LRRN1: variants seen among roughly 807,000 people sequenced by gnomAD.
LRRN1 encodes leucine rich repeat neuronal 1.
Under a neutral mutation model 45.8 loss-of-function variants are expected in LRRN1, and 14 were observed. The observed-to-expected ratio is 0.31, with a 90% CI of 0.20 to 0.48. LRRN1 has a LOEUF of 0.48. Among genes scored for constraint, LRRN1 ranks in the 20% least tolerant of loss-of-function variants. LRRN1 has a pLI of 0.99. For synonymous variants in LRRN1, 359 were observed against 330.1 expected (o/e 1.09, Z -0.95); for missense variants, 789 against 874.2 (o/e 0.90, Z 1.23).
At chr3:3,829,892 A>C (rs1403543345) in intron 1 of LRRN1, among the ~76,000 whole-genome samples, 3 of 152,202 alleles carry the variant, frequency 2.0e-5, no homozygotes, top group Non-Finnish European at 4.4e-5. Context: ...TCATGATGGA[A>C]GAGGTCCAAT....
Position 3,834,525 on chromosome 3 carries a change from G to GACATATATATATATGATAT in LRRN1, c.-278-9838_-278-9837insCATATATATATATGATATA, listed in dbSNP as rs750534210. ...GCGTTCTCTTAGAGGGACAGAACAG[G>GACATATATATATATGATAT]ATATATATATATATATATATATATA... On this transcript the variant is annotated intron_variant, in intron 1 of 1. Transcript: ENST00000319331. Among the ~76,000 whole-genome samples the GACATATATATATATGATAT allele has an allele frequency of 4.4e-4, 12 of 27,328 alleles. 3 individuals carry two copies. The highest frequency in any genetic ancestry group is 1.3e-3 in the Admixed American group (2 of 1,488). The allele number at this position is 27,328 out of a possible 152,430, so 17.9% of individuals were successfully genotyped here. A position where few individuals can be genotyped will look rare whatever the true frequency, so the allele number is the denominator to read the frequency against.
rs893791894 is a variant in LRRN1 at position 3,849,209 on chromosome 3, C to T, written c.*2417C>T. ...CTTACACAGAATGAGCACTTAAATACGGGTGCAATAAATGAAGGGAAAAAC... is the reference window on the plus strand; with the variant it reads ...CTTACACAGAATGAGCACTTAAATATGGGTGCAATAAATGAAGGGAAAAAC... On this transcript the variant is annotated 3_prime_UTR_variant, in exon 2 of 2. Coordinates refer to ENST00000319331, the MANE Select transcript of LRRN1 (RefSeq NM_020873.7). Among the ~76,000 whole-genome samples the T allele has an allele frequency of 8.5e-5, 13 of 152,106 alleles. No homozygotes were observed. Among genetic ancestry groups the T allele is most frequent in the Non-Finnish European group, 1.9e-4 (13 of 68,008 alleles).
rs1292087954 is a variant in LRRN1, at chr3:3,846,871, G to C, written c.*79G>C. On this transcript the variant is annotated 3_prime_UTR_variant, in exon 2 of 2. Coordinates refer to ENST00000319331, the MANE Select transcript of LRRN1 (RefSeq NM_020873.7). The surrounding 1 kb of genome is among the most constrained non-coding windows in gnomAD (Gnocchi z 5.7). Reference sequence around the variant, plus strand: ...ATTCTGCAAAAGTGAACAAGTTGAAGACTTTTGTATTTTTGACTTTGCTAG... The same window carrying C: ...ATTCTGCAAAAGTGAACAAGTTGAACACTTTTGTATTTTTGACTTTGCTAG... The C allele has an allele frequency of 8.2e-7, 1 of 1,225,556 alleles. No individual in the cohort carries two copies. The highest frequency in any genetic ancestry group is 1.5e-5 in the African/African-American group (1 of 65,146). The allele number at this position is 1,225,556 out of a possible 1,614,324, so 75.9% of individuals were successfully genotyped here.
intron 1 of LRRN1, among the ~76,000 whole-genome samples, chr3:3,824,793 C>T (rs1366171556): frequency 6.6e-6 from 1 of 152,156 alleles, no homozygotes; most frequent in Non-Finnish European, 1.5e-5. Context: ...CAAAGCAAAG[C>T]AATGTGGGAT....
intron 1 of LRRN1, among the ~76,000 whole-genome samples, chr3:3,807,101 A>ATC (rs1692777812): frequency 6.6e-6 from 1 of 152,222 alleles, no homozygotes; most frequent in Non-Finnish European, 1.5e-5. Context: ...CCTACGATGC[A>ATC]TCGGTTAAAA....
intron 1 of LRRN1, among the ~76,000 whole-genome samples, chr3:3,843,044 A>G (rs190333922): frequency 1.5e-3 from 228 of 152,366 alleles, no homozygotes; most frequent in African/African-American, 5.2e-3. Flanking sequence ...AATGGATTAG[A>G]GATACAAGAT....
At chr3:3,818,275 A>G (rs1693026543) in intron 1 of LRRN1, among the ~76,000 whole-genome samples, 1 of 151,932 alleles carries the variant, frequency 6.6e-6, no homozygotes, top group Non-Finnish European at 1.5e-5. Flanking sequence ...ATTATTTCAT[A>G]TAGACATATT....
At chr3:3,802,195 C>T (rs1646954615) in intron 1 of LRRN1, among the ~76,000 whole-genome samples, 1 of 152,206 alleles carries the variant, frequency 6.6e-6, no homozygotes, top group Non-Finnish European at 1.5e-5. Context: ...GAGCAAGGGC[C>T]TTTCTGCCGT....
At chr3:3,827,714 C>T (rs779233031) in intron 1 of LRRN1, among the ~76,000 whole-genome samples, 1 of 152,156 alleles carries the variant, frequency 6.6e-6, no homozygotes, top group African/African-American at 2.4e-5. Flanking sequence ...ACATAAAGCT[C>T]ATGCCCTCAG....
chr3:3,809,814 C>A (rs1354685257), intron 1 of LRRN1, among the ~76,000 whole-genome samples: 1 of 152,172 alleles, frequency 6.6e-6, no homozygotes, highest in Non-Finnish European at 1.5e-5. Flanking sequence ...AAGTCCTTAG[C>A]ACAGTTCCTC....
At chr3:3,805,018 C>T (rs1167174146) in intron 1 of LRRN1, among the ~76,000 whole-genome samples, 1 of 152,194 alleles carries the variant, frequency 6.6e-6, no homozygotes, top group Non-Finnish European at 1.5e-5. Flanking sequence ...TGCCTAACCT[C>T]TTCAGGAGAG....
In LRRN1 at chr3:3,844,765, C is replaced by G. The variant is rs267599790; in HGVS notation, c.124C>G (p.Pro42Ala). The change falls in exon 2 of 2, where the codon CCC becomes GCC. Residue 42 changes from proline (P) to alanine (A), a missense_variant. By Grantham distance (27) the Pro-to-Ala change is conservative. Transcript: ENST00000319331. ...ACAACTTTGCGTATGTGAAATTCGT[C>G]CCTGGTTTACCCCACAGTCAACTTA... ...CPQLCVCEIR[P>A]WFTPQSTYRE... 6.2e-7 allele frequency: 1 copy of G among 1,614,090 alleles called. No individual in the cohort carries two copies. Among genetic ancestry groups the G allele is most frequent in the South Asian group, 1.1e-5 (1 of 91,076 alleles).
rs760706304 is a variant in LRRN1, at chr3:3,845,124, T to C, written c.483T>C (p.His161=). The change falls in exon 2 of 2, where the codon CAT becomes CAC. Residue 161 remains histidine (H), a synonymous_variant. Transcript: ENST00000319331. The surrounding 1 kb of genome is among the most constrained non-coding windows in gnomAD (Gnocchi z 6.5). The part of the protein sequence containing the change: ...NHNQISTISA[H]AFAGLKNLLR... ...ACCAAATTAGCACTATTTCTGCTCA[T>C]GCTTTTGCAGGCTTAAAAAATCTAT... 6.2e-7 allele frequency: 1 copy of C among 1,614,184 alleles called. No homozygotes were observed. The highest frequency in any genetic ancestry group is 1.1e-5 in the South Asian group (1 of 91,088).
chr3:3,846,757 C>T lies in LRRN1; in HGVS notation c.2116C>T (p.Gln706Ter). The T allele has an allele frequency of 6.2e-7, 1 of 1,612,340 alleles. No homozygotes were observed. Among genetic ancestry groups the T allele is most frequent in the South Asian group, 1.1e-5 (1 of 90,582 alleles). The change falls in exon 2 of 2, where the codon CAG becomes TAG. Residue 706 changes from glutamine to a stop codon, truncating the protein, a stop_gained. Transcript: ENST00000319331. LOFTEE classifies it high-confidence loss of function. The surrounding 1 kb of genome is among the most constrained non-coding windows in gnomAD (Gnocchi z 5.7). ...TGGTTCTGCAGACACCAAGCCAACC[C>T]AGGTCGACACATCCAGAAGCTATTA... ...KDGSADTKPT[Q>*]VDTSRSYYMW
intron 1 of LRRN1, among the ~76,000 whole-genome samples, chr3:3,835,503 G>T (rs1693489590): frequency 6.6e-6 from 1 of 151,740 alleles, no homozygotes; most frequent in South Asian, 2.1e-4. Flanking sequence ...GACACATCTA[G>T]TAAGTGGAGA....
chr3:3,829,564 G>A (rs941588324), intron 1 of LRRN1, among the ~76,000 whole-genome samples: 1 of 152,140 alleles, frequency 6.6e-6, no homozygotes, highest in African/African-American at 2.4e-5. Flanking sequence ...CTGCAGCCCT[G>A]CAAATATTGT....
intron 1 of LRRN1, among the ~76,000 whole-genome samples, chr3:3,829,659 G>A (rs1575292909): frequency 6.6e-6 from 1 of 152,182 alleles, no homozygotes; most frequent in African/African-American, 2.4e-5. Context: ...TGGGGACCAT[G>A]GTAAGACCAG....
In LRRN1 at chr3:3,846,367, G is replaced by T. The variant is rs1167336544; in HGVS notation, c.1726G>T (p.Val576Phe). 2 of 1,613,758 alleles carry T rather than the reference G, an allele frequency of 1.2e-6. No homozygotes were observed. Among genetic ancestry groups the T allele is most frequent in the Admixed American group, 1.7e-5 (1 of 60,028 alleles). The change falls in exon 2 of 2, where the codon GTC becomes TTC. Residue 576 changes from valine (V) to phenylalanine (F), a missense_variant. By Grantham distance (50) the Val-to-Phe change is conservative. Coordinates refer to ENST00000319331, the MANE Select transcript of LRRN1 (RefSeq NM_020873.7). This position sits in a 1 kb window ranked among gnomAD's most constrained non-coding sequence, Gnocchi z 5.7. Reference sequence around the variant, plus strand: ...CATAACATATACTGCCAGGGTCCCAGTCGATGTCCATGAATACAACCTAAC... The same window carrying T: ...CATAACATATACTGCCAGGGTCCCATTCGATGTCCATGAATACAACCTAAC... ...PHITYTARVP[V>F]DVHEYNLTHL...
Position 3,846,469 on chromosome 3 carries a change from G to C in LRRN1, c.1828G>C (p.Val610Leu). ...NIHQQTQKSCVNVTTKNAAFA... is the reference protein window; with the variant it reads ...NIHQQTQKSCLNVTTKNAAFA... ...TCATCAGCAGACTCAAAAGTCATGC[G>C]TAAATGTCACAACCAAAAATGCCGC... is the stretch of plus-strand genomic sequence containing the variant. The change falls in exon 2 of 2, where the codon GTA (valine) becomes CTA (leucine). Residue 610 changes from valine to leucine, a missense_variant. Coordinates refer to ENST00000319331, the MANE Select transcript of LRRN1 (RefSeq NM_020873.7). The surrounding 1 kb of genome is among the most constrained non-coding windows in gnomAD (Gnocchi z 5.7). The C allele has an allele frequency of 6.2e-7, 1 of 1,614,110 alleles. No homozygotes were observed. The highest frequency in any genetic ancestry group is 1.1e-5 in the South Asian group (1 of 91,076).
Sources: gnomAD v4.1 joint callset for allele counts (sites outside exome capture counted in the v4.1 genomes callset) on GRCh38, gnomAD v4.1.1 for gene constraint, Gnocchi (gnomAD v3.1) non-coding constraint, MANE v1.5 for transcripts, NCBI Gene and HGNC (gene_info 2026-07-23, HGNC 2026-07-21) for gene names.